ZNF704: variants seen among roughly 807,000 people sequenced by gnomAD.
The protein encoded by ZNF704 is zinc finger protein 704.
In ZNF704, 10 loss-of-function variants were observed where a neutral mutation model predicts 44.7. That is an observed-to-expected ratio of 0.22 (90% CI 0.14 to 0.38). ZNF704 has a LOEUF of 0.38. Ranked by LOEUF, ZNF704 falls within the 10% of genes least tolerant of loss-of-function variation. The pLI is 1.00. For missense variants in ZNF704, 390 were observed against 545.5 expected (o/e 0.71, Z 2.84); for synonymous variants, 211 against 207.6 (o/e 1.02, Z -0.14).
chr8:80,763,754 T>G (rs1807172565), intron 2 of ZNF704, among the ~76,000 whole-genome samples: 1 of 152,198 alleles, frequency 6.6e-6, no homozygotes, highest in African/African-American at 2.4e-5. Flanking sequence ...TTCTATCACA[T>G]TGTCAGGCTG....
At chr8:80,806,215 C>T (rs1378955895) in intron 2 of ZNF704, among the ~76,000 whole-genome samples, 3 of 152,168 alleles carry the variant, frequency 2.0e-5, no homozygotes, top group Admixed American at 2.0e-4. Context: ...GTCCATTATT[C>T]AAACCCAAAG....
intron 1 of ZNF704, among the ~76,000 whole-genome samples, chr8:80,864,434 C>T (rs930362416): frequency 6.6e-6 from 1 of 151,920 alleles, no homozygotes; most frequent in Non-Finnish European, 1.5e-5. Context: ...TCAAAATGGC[C>T]CTTGGCATAT....
At position 80,825,480 on chromosome 8, in the gene ZNF704, G is replaced by C. The variant is rs556887942; in HGVS notation, c.-21-3865C>G. ...AGACTCCCACACAATAATAATGGGA[G>C]ACTTTAACACCCCACTGTCAATGTT... On this transcript the variant is annotated intron_variant, in intron 1 of 8. Transcript: ENST00000327835. Among the ~76,000 whole-genome samples the C allele has an allele frequency of 2.0e-3, 301 of 152,260 alleles. 1 individual carries two copies. The highest frequency in any genetic ancestry group is 7.0e-3 in the African/African-American group (290 of 41,540).
chr8:80,828,443 G>A (rs574086183), intron 1 of ZNF704, among the ~76,000 whole-genome samples: 15 of 152,164 alleles, frequency 9.9e-5, no homozygotes, highest in Non-Finnish European at 2.1e-4. Context: ...GTACAAAGAT[G>A]AGTCTATCTG....
At chr8:80,857,681 T>C (rs1808986104) in intron 1 of ZNF704, among the ~76,000 whole-genome samples, 1 of 152,206 alleles carries the variant, frequency 6.6e-6, no homozygotes, top group African/African-American at 2.4e-5. Context: ...TGCAATGTTA[T>C]TTGTAATGTC....
chr8:80,670,307 T>C (rs1032035422), intron 5 of ZNF704, among the ~76,000 whole-genome samples, 196 bp downstream of exon 5: 7 of 152,280 alleles, frequency 4.6e-5, no homozygotes, highest in South Asian at 2.1e-4. Flanking sequence ...GGCTCTAGGA[T>C]GTTATATCCT....
At chr8:80,693,773 C>T (rs946634866) in intron 2 of ZNF704, among the ~76,000 whole-genome samples, 12 of 152,228 alleles carry the variant, frequency 7.9e-5, no homozygotes, top group Non-Finnish European at 8.8e-5. Context: ...GCTAGTCAGA[C>T]GGGGTCCAGT....
chr8:80,657,419 G>A (rs1260702964), intron 7 of ZNF704, among the ~76,000 whole-genome samples: 2 of 152,128 alleles, frequency 1.3e-5, no homozygotes, highest in South Asian at 2.1e-4. Context: ...TCAGCTGGGC[G>A]CAGTGGCTCA....
chr8:80,800,343 A>G (rs185612626), intron 2 of ZNF704, among the ~76,000 whole-genome samples: 1 of 152,302 alleles, frequency 6.6e-6, no homozygotes, highest in Admixed American at 6.5e-5. Flanking sequence ...ATCCATGAGA[A>G]GATTAACCCC....
At chr8:80,720,943 C>T (rs1819155902) in intron 2 of ZNF704, among the ~76,000 whole-genome samples, 1 of 152,250 alleles carries the variant, frequency 6.6e-6, no homozygotes, top group Non-Finnish European at 1.5e-5. Context: ...AGCACAAAGG[C>T]TGAGTTTTCA....
intron 1 of ZNF704, among the ~76,000 whole-genome samples, chr8:80,870,956 G>A (rs558664326): frequency 6.2e-4 from 94 of 152,136 alleles, no homozygotes; most frequent in African/African-American, 1.9e-3. Context: ...TTAGTAAATG[G>A]TACCTTCAAC....
chr8:80,735,955 T>A (rs1806658340), intron 2 of ZNF704, among the ~76,000 whole-genome samples: 1 of 152,178 alleles, frequency 6.6e-6, no homozygotes, highest in Non-Finnish European at 1.5e-5. Context: ...AAGGAAGGAA[T>A]TCCAGTTTAG....
At chr8:80,643,997 C>T (rs1169462875) in intron 7 of ZNF704, among the ~76,000 whole-genome samples, 1 of 152,172 alleles carries the variant, frequency 6.6e-6, no homozygotes, top group Non-Finnish European at 1.5e-5. Flanking sequence ...CACGTCCCAA[C>T]AGGAAGGAAT....
At chr8:80,784,431 T>A (rs1309275427) in intron 2 of ZNF704, among the ~76,000 whole-genome samples, 1 of 152,204 alleles carries the variant, frequency 6.6e-6, no homozygotes, top group African/African-American at 2.4e-5. Flanking sequence ...CAGCATTTGG[T>A]GTTGTCAGTG....
intron 7 of ZNF704, among the ~76,000 whole-genome samples, chr8:80,650,595 G>A (rs891177160): frequency 2.6e-5 from 4 of 152,156 alleles, no homozygotes; most frequent in Non-Finnish European, 5.9e-5. Flanking sequence ...ATGAAAGGAA[G>A]TGAGAAGAGA....
intron 2 of ZNF704, among the ~76,000 whole-genome samples, chr8:80,719,629 C>A (rs1240299396): frequency 6.6e-6 from 1 of 152,120 alleles, no homozygotes; most frequent in East Asian, 1.9e-4. Context: ...GCTTCTTGCT[C>A]CCATAAATCT....
intron 1 of ZNF704, among the ~76,000 whole-genome samples, chr8:80,834,796 T>C (rs1808531339): frequency 6.6e-6 from 1 of 152,200 alleles, no homozygotes; most frequent in Non-Finnish European, 1.5e-5. Flanking sequence ...TGGTTTTCTG[T>C]TCCTGTGTTA....
At chr8:80,788,859 A>T (rs1447538511) in intron 2 of ZNF704, among the ~76,000 whole-genome samples, 1 of 152,206 alleles carries the variant, frequency 6.6e-6, no homozygotes, top group Non-Finnish European at 1.5e-5. Context: ...GCGTACCCTT[A>T]AGAATTTCAA....
At chr8:80,805,318 T>C (rs1807971907) in intron 2 of ZNF704, among the ~76,000 whole-genome samples, 3 of 152,308 alleles carry the variant, frequency 2.0e-5, no homozygotes, top group South Asian at 4.2e-4. Context: ...TCCTGTTTTT[T>C]GGTAAGATAC....
Sources: allele counts gnomAD v4.1 joint callset (sites outside exome capture counted in the v4.1 genomes callset), GRCh38; gene constraint gnomAD v4.1.1; transcripts MANE v1.5; gene names NCBI Gene and HGNC (gene_info 2026-07-23, HGNC 2026-07-21).